COL22A1: variants seen among roughly 807,000 people sequenced by gnomAD.
COL22A1 encodes collagen alpha-1(XXII) chain.
Under a neutral mutation model 248.9 loss-of-function variants are expected in COL22A1, and 221 were observed. The ratio of observed to expected loss-of-function variants is 0.89; its 90% CI spans 0.80 to 0.99. The LOEUF is 0.99. Among genes scored for constraint, COL22A1 ranks in the 50% least tolerant of loss-of-function variants. The pLI is 0.00. For missense variants in COL22A1, 2,240 were observed against 2,179.0 expected (o/e 1.03, Z -0.56); for synonymous variants, 891 against 793.4 (o/e 1.12, Z -2.07).
chr8:138,679,038 C>T (rs949484415), intron 40 of COL22A1, among the ~76,000 whole-genome samples: 12 of 152,278 alleles, frequency 7.9e-5, no homozygotes, highest in African/African-American at 2.6e-4. Context: ...GCCTCAGCCT[C>T]CCTCCATAGC....
intron 47 of COL22A1, among the ~76,000 whole-genome samples, chr8:138,637,011 G>T (rs150937891): frequency 4.3e-4 from 65 of 152,210 alleles, no homozygotes; most frequent in Non-Finnish European, 8.7e-4. Context: ...GGGGTATGGG[G>T]TTGGAGAGCG....
intron 47 of COL22A1, among the ~76,000 whole-genome samples, chr8:138,643,629 G>GATAGATAGATAC (rs2130472119): frequency 1.5e-5 from 1 of 68,386 alleles, no homozygotes; most frequent in East Asian, 6.7e-4. Flanking sequence ...TAGATAGATA[G>GATAGATAGATAC]ATAGATAGAT....
At chr8:138,722,859 G>GT (rs1554601748) in intron 25 of COL22A1, among the ~76,000 whole-genome samples, 3 of 103,992 alleles carry the variant, frequency 2.9e-5, no homozygotes, top group African/African-American at 7.0e-5. Flanking sequence ...GCGGGGGGGG[G>GT]GTGGTGGAAA....
At chr8:138,902,045 G>T (rs1814620741) in intron 1 of COL22A1, among the ~76,000 whole-genome samples, 1 of 152,132 alleles carries the variant, frequency 6.6e-6, no homozygotes, top group South Asian at 2.1e-4. Flanking sequence ...GGAGACTCCA[G>T]CTGTAAGACG....
intron 41 of COL22A1, among the ~76,000 whole-genome samples, chr8:138,673,245 C>T (rs1315556778): frequency 1.4e-5 from 2 of 148,100 alleles, no homozygotes; most frequent in Non-Finnish European, 3.0e-5. Context: ...GAGTCTGGCT[C>T]TGCTGCCCAG....
intron 39 of COL22A1, among the ~76,000 whole-genome samples, chr8:138,682,917 T>C (rs1163063052): frequency 2.0e-5 from 3 of 152,086 alleles, no homozygotes; most frequent in Admixed American, 6.6e-5. Context: ...GCCAGGCTGG[T>C]GTTGAACTCC....
intron 49 of COL22A1, among the ~76,000 whole-genome samples, chr8:138,632,834 T>C (rs1451132114): frequency 6.6e-6 from 1 of 152,210 alleles, no homozygotes; most frequent in African/African-American, 2.4e-5. Context: ...TTTAATTAAA[T>C]ATGTAGTCCA....
chr8:138,601,319 C>T (rs1453024982), intron 60 of COL22A1, among the ~76,000 whole-genome samples: 4 of 152,120 alleles, frequency 2.6e-5, no homozygotes, highest in African/African-American at 9.7e-5. Context: ...TGAGACTCTG[C>T]CCCCACTTTT....
At chr8:138,639,836 C>T (rs1262037501) in intron 47 of COL22A1, among the ~76,000 whole-genome samples, 2 of 152,178 alleles carry the variant, frequency 1.3e-5, no homozygotes, top group Non-Finnish European at 2.9e-5. Context: ...AGTAGAAGCC[C>T]AACTTCAGCA....
At position 138,807,801 on chromosome 8, in the gene COL22A1, T is replaced by A; in HGVS notation, c.1461A>T (p.Gly487=). The A allele has an allele frequency of 1.9e-6, 3 of 1,613,954 alleles. No individual in the cohort carries two copies. Among genetic ancestry groups the A allele is most frequent in the Non-Finnish European group, 2.5e-6 (3 of 1,179,902 alleles). Residue 487 remains glycine, a synonymous_variant, in exon 10 of 65, where the codon GGA becomes GGT. Transcript: ENST00000303045. ...CAGGGAGCCCCATGGGGCCAGCAAC[T>A]CCCATTTCACCCTAAAAGAAGAAAG... is the stretch of plus-strand genomic sequence containing the variant. The part of the protein sequence containing the change: ...SCPAGEKGEM[G]VAGPMGLPGP...
At chr8:138,642,373 C>A (rs1219739041) in intron 47 of COL22A1, among the ~76,000 whole-genome samples, 1 of 152,270 alleles carries the variant, frequency 6.6e-6, no homozygotes, top group Non-Finnish European at 1.5e-5. Flanking sequence ...GTAACCTGCT[C>A]CTTGGAACAC....
chr8:138,894,758 G>A (rs1825288165), intron 1 of COL22A1, among the ~76,000 whole-genome samples: 2 of 152,164 alleles, frequency 1.3e-5, no homozygotes, highest in Non-Finnish European at 2.9e-5. Context: ...TTCACTTTCA[G>A]TTACTACACT....
At chr8:138,677,573 T>C (rs1005891780) in intron 40 of COL22A1, among the ~76,000 whole-genome samples, 34 of 145,446 alleles carry the variant, frequency 2.3e-4, no homozygotes, top group Non-Finnish European at 7.6e-5. Context: ...CTCAACTCAG[T>C]TGGCAGCAAA....
At position 138,755,791 on chromosome 8, in the gene COL22A1, G is replaced by A; in HGVS notation, c.1941C>T (p.Gly647=). ...CCAACCACTGCTGACTCACCACTGAGCCTGGTACACCAGGTGGCCCCGCAG... is the reference window on the plus strand; with the variant it reads ...CCAACCACTGCTGACTCACCACTGAACCTGGTACACCAGGTGGCCCCGCAG... ...VGPAGPPGVP[G]SVVQQEGLKG... is the part of the protein sequence containing the mutation. The change falls in exon 19 of 65, where the codon GGC becomes GGT. Residue 647 remains glycine, a synonymous_variant. Coordinates refer to ENST00000303045, the MANE Select transcript of COL22A1 (RefSeq NM_152888.3). 1 of 1,614,056 alleles carries A rather than the reference G, an allele frequency of 6.2e-7. No individual in the cohort carries two copies. Among genetic ancestry groups the A allele is most frequent in the Non-Finnish European group, 8.5e-7 (1 of 1,179,970 alleles).
intron 30 of COL22A1, among the ~76,000 whole-genome samples, chr8:138,706,727 A>G (rs1828490258): frequency 6.6e-6 from 1 of 152,222 alleles, no homozygotes; most frequent in Non-Finnish European, 1.5e-5. Flanking sequence ...AATTAAAAGA[A>G]CTAGAGAAGC....
At chr8:138,775,925 A>T (rs371595677) in intron 16 of COL22A1, 41 bp downstream of exon 16, 1 of 1,599,160 alleles carries the variant, frequency 6.3e-7, no homozygotes, top group East Asian at 2.2e-5. Context: ...TCCCTTTTCT[A>T]TGGAAAGCCG....
In COL22A1 at chr8:138,811,860, G is replaced by A. The variant is rs371503798; in HGVS notation, c.1388C>T (p.Pro463Leu). The A allele has an allele frequency of 1.2e-6, 2 of 1,609,364 alleles. No individual in the cohort carries two copies. Among genetic ancestry groups the A allele is most frequent in the Non-Finnish European group, 1.7e-6 (2 of 1,178,352 alleles). Residue 463 changes from proline (P) to leucine (L), a missense_variant, in exon 9 of 65, where the codon CCA becomes CTA. Transcript: ENST00000303045. ...CAAAAACCCAATCTGTTCACTGCCT[G>A]GGGTGGGAGGCCGCTGGGGTGGGGG... Reference protein sequence around the residue: ...PPPPPQRPPTPGSEQIGFLKT... With the variant: ...PPPPPQRPPTLGSEQIGFLKT...
chr8:138,820,002 A>C (rs944743451), intron 7 of COL22A1, among the ~76,000 whole-genome samples: 1 of 152,136 alleles, frequency 6.6e-6, no homozygotes, highest in Non-Finnish European at 1.5e-5. Flanking sequence ...CTTCCTAATT[A>C]TGTAGTGATA....
rs1563877047 is a variant in COL22A1 at position 138,878,102 on chromosome 8, C to T, written c.306G>A (p.Lys102=). 6.2e-7 allele frequency: 1 copy of T among 1,601,896 alleles called. No individual in the cohort carries two copies. The highest frequency in any genetic ancestry group is 8.5e-7 in the Non-Finnish European group (1 of 1,175,150). Residue 102 remains lysine, a synonymous_variant, in exon 3 of 65, where the codon AAG becomes AAA. Coordinates refer to ENST00000303045, the MANE Select transcript of COL22A1 (RefSeq NM_152888.3). ...GGTAGGCGAGACGCCGGGCAGCCGC[C>T]TTGACCTCCTCCTGCGAGCCAAAGA... ...LGLFGSQEEV[K]AAARRLAYHG... is the part of the protein sequence containing the mutation.
Sources: allele counts gnomAD v4.1 joint callset (sites outside exome capture counted in the v4.1 genomes callset), GRCh38; gene constraint gnomAD v4.1.1; transcripts MANE v1.5; gene names NCBI Gene and HGNC (gene_info 2026-07-23, HGNC 2026-07-21).